The following DRC1 variants were observed in gnomAD, a reference collection of about 807,000 sequenced individuals.
The protein encoded by DRC1 is dynein regulatory complex subunit 1, also known as dynein regulatory complex protein 1.
A neutral mutation model predicts 98.7 loss-of-function variants in DRC1; 74 were observed. That is an observed-to-expected ratio of 0.75 (90% CI 0.62 to 0.91). The LOEUF (loss-of-function observed/expected upper bound fraction) is 0.91. DRC1 is among the 40% of genes least tolerant of loss of function. The probability of loss-of-function intolerance (pLI) is 0.00; values close to 1 mark genes in which losing one functional copy is unlikely to be tolerated. For missense variants in DRC1, 875 were observed against 886.0 expected, an observed-to-expected ratio of 0.99 and a Z score of 0.16; for synonymous variants, 336 against 334.1, an observed-to-expected ratio of 1.01 and a Z score of -0.06.
intron 12 of DRC1, 107 bp from the exon 13 acceptor site, chr2:26,450,485 C>T: frequency 3.1e-6 from 3 of 977,002 alleles, no homozygotes; most frequent in Admixed American, 4.6e-5. Flanking sequence ...GATGAATGCC[C>T]TCCACAAGCC....
chr2:26,421,048 G>A (rs1056181710), intron 2 of DRC1: 1 of 297,754 alleles, frequency 3.4e-6, no homozygotes, highest in Admixed American at 4.5e-5. Flanking sequence ...ACAGGCATGA[G>A]CCACTGTGCC....
intron 14 of DRC1, 125 bp downstream of exon 14, chr2:26,453,674 G>T: frequency 1.0e-6 from 1 of 996,272 alleles, no homozygotes; most frequent in Non-Finnish European, 1.5e-6. Flanking sequence ...CTAAGGACAG[G>T]GCTATCTGAA....
intron 6 of DRC1, among the ~76,000 whole-genome samples, 186 bp from the exon 7 acceptor site, chr2:26,431,698 G>A (rs57458310): frequency 7.1e-4 from 108 of 151,774 alleles, no homozygotes; most frequent in African/African-American, 2.4e-3. Context: ...AGTAATGACC[G>A]CATTAGGCAA....
At chr2:26,417,092 T>A (rs2147981824) in intron 2 of DRC1, among the ~76,000 whole-genome samples, 1 of 152,130 alleles carries the variant, frequency 6.6e-6, no homozygotes, top group East Asian at 1.9e-4. Flanking sequence ...CTATGAGGAA[T>A]CCACCCCCAT....
rs920794854 is a variant in DRC1, at chr2:26,456,533, G to A, written c.*16G>A. ...CACAAAATGAGCTGGACCGCCAAAG[G>A]CTGATGTGTTAGGGCTGGCCTGATG... is the stretch of plus-strand genomic sequence containing the variant. On this transcript the variant is annotated 3_prime_UTR_variant, in exon 17 of 17. Transcript: ENST00000288710. 8 of 1,613,998 alleles carry A rather than the reference G, an allele frequency of 5.0e-6. No individual in the cohort carries two copies. In the African/African-American group the frequency reaches 8.0e-5, roughly 16 times the overall value.
chr2:26,446,220 C>G (rs146311883), intron 10 of DRC1, among the ~76,000 whole-genome samples: 1,830 of 151,988 alleles, frequency 0.012, 38 homozygotes, highest in African/African-American at 0.042. Flanking sequence ...CCTCTGCCTC[C>G]CGAGTAGCTG....
intron 3 of DRC1, among the ~76,000 whole-genome samples, chr2:26,422,770 A>T (rs868672633): frequency 1.3e-5 from 2 of 152,052 alleles, no homozygotes; most frequent in Admixed American, 1.3e-4. Flanking sequence ...ACAAAAAATT[A>T]GCTGGGTGTG....
rs375821474 is a variant in DRC1 at position 26,455,113 on chromosome 2, C to T, written c.2064-18C>T. The T allele has an allele frequency of 4.6e-5, 75 of 1,613,698 alleles. No individual in the cohort carries two copies. Among genetic ancestry groups the T allele is most frequent in the African/African-American group, 9.3e-5 (7 of 74,974 alleles). ...ATGGAGGATTCAGTGAGCCTCTAAC[C>T]GATTTTTCTGTCCAAAGCCTTGTCC... On this transcript the variant is annotated intron_variant, in intron 15 of 16. Transcript: ENST00000288710.
At chr2:26,413,696 G>A (rs989015280) in intron 1 of DRC1, among the ~76,000 whole-genome samples, 4 of 152,010 alleles carry the variant, frequency 2.6e-5, no homozygotes, top group Non-Finnish European at 4.4e-5. Flanking sequence ...TTGATTTGAA[G>A]GAGCCCTTCC....
chr2:26,437,845 T>C (rs1663612068), intron 7 of DRC1, among the ~76,000 whole-genome samples: 1 of 151,736 alleles, frequency 6.6e-6, no homozygotes, highest in Non-Finnish European at 1.5e-5. Flanking sequence ...TCCCAGCACT[T>C]TGGGAAGTCA....
At chr2:26,448,089 G>A (rs114064518) in intron 10 of DRC1, among the ~76,000 whole-genome samples, 250 of 151,480 alleles carry the variant, frequency 1.7e-3, no homozygotes, top group African/African-American at 3.3e-3. Flanking sequence ...GCCAGGTGTC[G>A]CGGTGGGTGT....
intron 16 of DRC1, 146 bp downstream of exon 16, chr2:26,455,379 C>T (rs1572389940): frequency 1.4e-6 from 1 of 715,636 alleles, no homozygotes; most frequent in East Asian, 2.7e-5. Context: ...AGAGTGGCAC[C>T]TTGAGACAAC....
At chr2:26,428,961 G>C in intron 4 of DRC1, among the ~76,000 whole-genome samples, 1 of 152,176 alleles carries the variant, frequency 6.6e-6, no homozygotes, top group East Asian at 1.9e-4. Context: ...GTCTGCAGTA[G>C]ATATGTTCTC....
chr2:26,402,756 C>T (rs975974268), intron 1 of DRC1, among the ~76,000 whole-genome samples: 3 of 152,214 alleles, frequency 2.0e-5, no homozygotes, highest in African/African-American at 7.2e-5. Context: ...AATGACATGG[C>T]AGTCCCTGGG....
rs749262489 is a variant in DRC1, at chr2:26,450,608, G to C, written c.1616G>C (p.Ser539Thr). The C allele has an allele frequency of 1.7e-5, 27 of 1,611,898 alleles. No homozygotes were observed. The highest frequency in any genetic ancestry group is 2.3e-5 in the Non-Finnish European group (27 of 1,178,962). The change falls in exon 13 of 17, where the codon AGT becomes ACT. Residue 539 changes from serine to threonine, a missense_variant. By Grantham distance (58) the Ser-to-Thr change is moderately conservative. Transcript: ENST00000288710. Reference protein sequence around the residue: ...DAIFSALGIESEDDLYKLVNF... With the variant: ...DAIFSALGIETEDDLYKLVNF... ...TCGCCCCAGGCCCTTGGAATTGAAA[G>C]TGAGGATGACTTGTATAAACTGGTG...
intron 15 of DRC1, 37 bp from the exon 16 acceptor site, chr2:26,455,094 G>A (rs1199809696): frequency 6.2e-7 from 1 of 1,609,516 alleles, no homozygotes; most frequent in South Asian, 1.1e-5. Context: ...GAGGATGGAG[G>A]ATTCAGTGAG....
In DRC1 at chr2:26,440,319, TTGTGTGTGTG is replaced by T. The variant is rs138497746; in HGVS notation, c.889-41_889-32del. On this transcript the variant is annotated intron_variant, in intron 7 of 16. Transcript: ENST00000288710. ...GGATGCAGGTGTAGAGTTAGTGTGT[TTGTGTGTGTG>T]TGTGTGTGTGTGTGTGTATATATAT... The T allele has an allele frequency of 3.5e-5, 44 of 1,267,882 alleles. No homozygotes were observed. In the South Asian group the frequency reaches 4.8e-4, roughly 14 times the overall value. The allele number at this position is 1,267,882 out of a possible 1,614,324, so 78.5% of individuals were successfully genotyped here. A position where few individuals can be genotyped will look rare whatever the true frequency, so the allele number is the denominator to read the frequency against.
chr2:26,444,340 C>CTACA lies in DRC1; in HGVS notation c.1148_1151dup (p.Gln384HisfsTer12). On this transcript the variant is annotated frameshift_variant, in exon 9 of 17. Coordinates refer to ENST00000288710, the MANE Select transcript of DRC1 (RefSeq NM_145038.5). LOFTEE classifies it high-confidence loss of function. ...ACGTCTTGTGATGCAATTCAAGGAGCTACAGAAAGCCATGAGGTATCTTAA... is the reference window on the plus strand; with the variant it reads ...ACGTCTTGTGATGCAATTCAAGGAGCTACATACAGAAAGCCATGAGGTATCTTAA... 6.2e-7 allele frequency: 1 copy of CTACA among 1,614,094 alleles called. No individual in the cohort carries two copies. The highest frequency in any genetic ancestry group is 8.5e-7 in the Non-Finnish European group (1 of 1,180,016).
At chr2:26,453,680 C>A in intron 14 of DRC1, 131 bp downstream of exon 14, 2 of 919,100 alleles carry the variant, frequency 2.2e-6, no homozygotes, top group Non-Finnish European at 3.3e-6. Flanking sequence ...ACAGGGCTAT[C>A]TGAAGGCGGG....
Sources: allele counts gnomAD v4.1 joint callset (sites outside exome capture counted in the v4.1 genomes callset), GRCh38; gene constraint gnomAD v4.1.1; transcripts MANE v1.5; gene names NCBI Gene and HGNC (gene_info 2026-07-23, HGNC 2026-07-21).